Variants in APPL1 observed in about 807,000 individuals in gnomAD.
APPL1 encodes the protein adaptor protein, phosphotyrosine interacting with PH domain and leucine zipper 1.
APPL1 carries 42 observed loss-of-function variants against 106.8 expected under a neutral mutation model. That is an observed-to-expected ratio of 0.39 (90% CI 0.31 to 0.51). APPL1 has a LOEUF of 0.51. Among genes scored for constraint, APPL1 ranks in the 20% least tolerant of loss-of-function variants. The probability of loss-of-function intolerance (pLI) is 0.75; values close to 1 mark genes in which losing one functional copy is unlikely to be tolerated. For synonymous variants in APPL1, 263 were observed against 281.8 expected (o/e 0.93, Z 0.67); for missense variants, 769 against 858.2 (o/e 0.90, Z 1.30).
Position 57,245,547 on chromosome 3 carries a change from A to AT in APPL1, c.475-529_475-528insT, listed in dbSNP as rs749542390. On this transcript the variant is annotated intron_variant, in intron 7 of 21. Coordinates refer to ENST00000288266, the MANE Select transcript of APPL1 (RefSeq NM_012096.3). ...GTACAGAATTCTGTTTTCAATATGC[A>AT]GTTTTTTTTTTTTTTGAGACAGTCT... Among the ~76,000 whole-genome samples, 549 of 143,796 alleles carry AT rather than the reference A, an allele frequency of 3.8e-3. 5 individuals are homozygous for AT. Among genetic ancestry groups the AT allele is most frequent in the South Asian group, 0.017 (76 of 4,530 alleles). 94.3% of individuals were successfully genotyped at this position (143,796 alleles called of 152,430 possible). A position where few individuals can be genotyped will look rare whatever the true frequency, so the allele number is the denominator to read the frequency against.
chr3:57,240,558 G>T lies in APPL1; in HGVS notation c.373+6G>T. On this transcript the variant is annotated splice_donor_region_variant and intron_variant, in intron 5 of 21. Coordinates refer to ENST00000288266, the MANE Select transcript of APPL1 (RefSeq NM_012096.3). ...TAAAGAAAGAGATCTGAAAGGTATT[G>T]AAGTCAAGCTTATGTTTACTTTCAT... 1 of 1,609,662 alleles carries T rather than the reference G, an allele frequency of 6.2e-7. No homozygotes were observed. The highest frequency in any genetic ancestry group is 8.5e-7 in the Non-Finnish European group (1 of 1,176,100).
At chr3:57,249,973 G>T in intron 11 of APPL1, among the ~76,000 whole-genome samples, 1 of 41,532 alleles carries the variant, frequency 2.4e-5, no homozygotes, top group East Asian at 7.7e-3. Context: ...ATGTGAATGG[G>T]GGGGGGTTGT....
rs978294566 is a variant in APPL1 at position 57,228,356 on chromosome 3, C to G, written c.54+419C>G. 1.3e-5 allele frequency among the ~76,000 whole-genome samples: 2 copies of G among 152,224 alleles called. No homozygotes were observed. The highest frequency in any genetic ancestry group is 2.9e-5 in the Non-Finnish European group (2 of 68,044). ...GTCTTATTTAATGATTTCCGAGGCTCAGCAAGCTAAGGAAGGAAATGGATC... is the reference window on the plus strand; with the variant it reads ...GTCTTATTTAATGATTTCCGAGGCTGAGCAAGCTAAGGAAGGAAATGGATC... On this transcript the variant is annotated intron_variant, in intron 1 of 21. Transcript: ENST00000288266. The surrounding 1 kb of genome is among the most constrained non-coding windows in gnomAD (Gnocchi z 4.6).
chr3:57,259,872 T>A lies in APPL1; in HGVS notation c.1511T>A (p.Val504Asp). 1.9e-6 allele frequency: 3 copies of A among 1,607,500 alleles called. No homozygotes were observed. The highest frequency in any genetic ancestry group is 8.5e-7 in the Non-Finnish European group (1 of 1,178,174). Residue 504 changes from valine (V) to aspartate (D), a missense_variant, in exon 17 of 22, where the codon GTC becomes GAC. By Grantham distance (152) the Val-to-Asp change is radical. Transcript: ENST00000288266. ...EDSILHQLFI[V>D]RFLGSMEVKS... The stretch of plus-strand genomic sequence containing the variant: ...TCTATTCTTCATCAGTTATTTATTG[T>A]CCGATTCCTTGGTTCAATGGAGGTG...
intron 1 of APPL1, among the ~76,000 whole-genome samples, chr3:57,229,798 C>T (rs1212088766): frequency 1.4e-5 from 2 of 146,786 alleles, no homozygotes; most frequent in Admixed American, 1.4e-4. Context: ...ACTGCAACCT[C>T]TGCCTCCCGG....
chr3:57,265,972 A>T (rs2060892679), intron 19 of APPL1, among the ~76,000 whole-genome samples: 1 of 152,102 alleles, frequency 6.6e-6, no homozygotes, highest in Non-Finnish European at 1.5e-5. Context: ...TTTGTCCTTT[A>T]TTCTGTTGAT....
chr3:57,249,948 T>C (rs1204034297), intron 11 of APPL1, among the ~76,000 whole-genome samples: 2 of 140,812 alleles, frequency 1.4e-5, no homozygotes, highest in Non-Finnish European at 3.1e-5. Context: ...TCCGCTCCAT[T>C]TTTCTTCATG....
intron 5 of APPL1, 78 bp downstream of exon 5, chr3:57,240,630 C>T: frequency 1.6e-6 from 2 of 1,280,594 alleles, no homozygotes; most frequent in Non-Finnish European, 2.3e-6. Flanking sequence ...TCTGTACTTA[C>T]ACCATTTCTG....
At chr3:57,234,724 C>T (rs938790241) in intron 1 of APPL1, among the ~76,000 whole-genome samples, 5 of 152,052 alleles carry the variant, frequency 3.3e-5, no homozygotes, top group Non-Finnish European at 7.4e-5. Context: ...GGCGTGATCT[C>T]GGCTCACTGC....
chr3:57,236,171 A>G (rs947238953), intron 2 of APPL1, among the ~76,000 whole-genome samples: 1 of 151,838 alleles, frequency 6.6e-6, no homozygotes, highest in African/African-American at 2.4e-5. Context: ...CAGCCTCTCA[A>G]GTAGCTGGGA....
chr3:57,247,704 C>G (rs1440739604), intron 9 of APPL1, among the ~76,000 whole-genome samples: 1 of 152,036 alleles, frequency 6.6e-6, no homozygotes, highest in Non-Finnish European at 1.5e-5. Context: ...ATTCTACACT[C>G]AGTTTTATGT....
intron 19 of APPL1, among the ~76,000 whole-genome samples, chr3:57,261,734 A>G (rs887588250): frequency 4.6e-5 from 7 of 151,952 alleles, no homozygotes; most frequent in Admixed American, 3.9e-4. Flanking sequence ...TAGCCAGGAT[A>G]GTCTTGATCT....
At chr3:57,269,295 G>A (rs1224827867) in intron 21 of APPL1, 1 of 395,572 alleles carries the variant, frequency 2.5e-6, no homozygotes, top group African/African-American at 2.0e-5. Context: ...TTATTTGGTT[G>A]TTGGTCATAA....
chr3:57,247,736 T>A (rs2060782623), intron 9 of APPL1, among the ~76,000 whole-genome samples: 1 of 152,220 alleles, frequency 6.6e-6, no homozygotes, highest in Non-Finnish European at 1.5e-5. Context: ...AGACACATAA[T>A]AGTAACTCCC....
intron 19 of APPL1, among the ~76,000 whole-genome samples, chr3:57,262,901 A>C (rs1579402041): frequency 7.1e-6 from 1 of 140,440 alleles, no homozygotes; most frequent in Non-Finnish European, 1.5e-5. Flanking sequence ...CCTGGGCTGG[A>C]GTGCAATGGC....
At chr3:57,251,782 AATT>A (rs1271759000) in intron 11 of APPL1, among the ~76,000 whole-genome samples, 1 of 152,134 alleles carries the variant, frequency 6.6e-6, no homozygotes, top group Non-Finnish European at 1.5e-5. Context: ...AATTAATAAA[AATT>A]ATTATTTTCT....
At chr3:57,257,585 G>C (rs1312479879) in intron 15 of APPL1, among the ~76,000 whole-genome samples, 157 bp downstream of exon 15, 3 of 152,114 alleles carry the variant, frequency 2.0e-5, no homozygotes, top group Admixed American at 1.3e-4. Flanking sequence ...GAACCATGCA[G>C]GTTTTTTTCT....
chr3:57,248,105 A>G (rs2060784359), intron 9 of APPL1, 88 bp from the exon 10 acceptor site: 6 of 1,380,668 alleles, frequency 4.3e-6, no homozygotes, highest in Admixed American at 2.3e-5. Context: ...TTAAGAAAAC[A>G]TACCCGAAAC....
In APPL1 at chr3:57,229,436, G is replaced by T. The variant is rs572442374; in HGVS notation, c.54+1499G>T. Among the ~76,000 whole-genome samples, 46 of 151,840 alleles carry T rather than the reference G, an allele frequency of 3.0e-4. 1 individual carries two copies. The South Asian group carries it at 7.7e-3, about 25-fold the overall frequency. ...AAACTCTTGACTCATCTAATGTCTT[G>T]AGGTTTTTGCCAGATTAGTTTACAA... On this transcript the variant is annotated intron_variant, in intron 1 of 21. Coordinates refer to ENST00000288266, the MANE Select transcript of APPL1 (RefSeq NM_012096.3).
Sources: gnomAD v4.1 joint callset for allele counts (sites outside exome capture counted in the v4.1 genomes callset) on GRCh38, gnomAD v4.1.1 for gene constraint, Gnocchi (gnomAD v3.1) non-coding constraint, MANE v1.5 for transcripts, NCBI Gene and HGNC (gene_info 2026-07-23, HGNC 2026-07-21) for gene names.